METAP1D: variants seen among roughly 807,000 people sequenced by gnomAD.
The protein encoded by METAP1D is methionine aminopeptidase 1D, mitochondrial.
A neutral mutation model predicts 40.5 loss-of-function variants in METAP1D; 31 were observed. The observed-to-expected ratio is 0.77, with a 90% CI of 0.58 to 1.03. The LOEUF (loss-of-function observed/expected upper bound fraction) is 1.03. Ranked by LOEUF, METAP1D falls within the 50% of genes least tolerant of loss-of-function variation. METAP1D has a pLI of 0.00. For synonymous variants in METAP1D, 151 were observed against 146.4 expected (o/e 1.03, Z -0.22); for missense variants, 411 against 420.7 (o/e 0.98, Z 0.20).
chr2:172,072,801 A>G (rs1233489921), intron 6 of METAP1D, among the ~76,000 whole-genome samples: 1 of 152,150 alleles, frequency 6.6e-6, no homozygotes, highest in Admixed American at 6.5e-5. Flanking sequence ...CATATAATTG[A>G]GCCTCTTTGT....
At chr2:172,066,055 CTT>C (rs1266932983) in intron 4 of METAP1D, among the ~76,000 whole-genome samples, 1 of 152,080 alleles carries the variant, frequency 6.6e-6, no homozygotes, top group Non-Finnish European at 1.5e-5. Context: ...CTTATCAACT[CTT>C]GTTTTGGTTC....
intron 1 of METAP1D, among the ~76,000 whole-genome samples, chr2:172,049,562 AG>A (rs1574125845): frequency 2.6e-5 from 4 of 152,254 alleles, no homozygotes; most frequent in Admixed American, 6.5e-5. Flanking sequence ...CTGTCGAGTG[AG>A]TATTCATATG....
At chr2:172,077,744 A>G in intron 6 of METAP1D, 53 bp from the exon 7 acceptor site, 1 of 832,592 alleles carries the variant, frequency 1.2e-6, no homozygotes. Flanking sequence ...TTATCTTAGT[A>G]TGCCTGAAAA....
intron 9 of METAP1D, 58 bp from the exon 10 acceptor site, chr2:172,080,270 G>A: frequency 6.2e-7 from 1 of 1,613,878 alleles, no homozygotes; most frequent in Non-Finnish European, 8.5e-7. Context: ...CCGACGGCGC[G>A]CTTGTGGCCC....
At chr2:172,030,003 G>T (rs149133379) in intron 1 of METAP1D, among the ~76,000 whole-genome samples, 14 of 152,018 alleles carry the variant, frequency 9.2e-5, no homozygotes, top group Non-Finnish European at 1.8e-4. Flanking sequence ...TGATCCACCC[G>T]CCTGGGCCTC....
intron 6 of METAP1D, among the ~76,000 whole-genome samples, chr2:172,075,345 A>AT (rs1195277857): frequency 1.3e-5 from 2 of 152,186 alleles, no homozygotes; most frequent in Non-Finnish European, 2.9e-5. Flanking sequence ...GCGAAGACAG[A>AT]TTTTATCCGT....
Position 172,077,070 on chromosome 2 carries a change from C to T in METAP1D, c.705-727C>T, listed in dbSNP as rs72877574. ...GTAGTGCATGCAATGTACTTCTCCA[C>T]ATACATGTAATGAAGTAACTAATGA... On this transcript the variant is annotated intron_variant, in intron 6 of 9. Coordinates refer to ENST00000315796, the MANE Select transcript of METAP1D (RefSeq NM_199227.3). Among the ~76,000 whole-genome samples the T allele has an allele frequency of 9.3e-3, 1,421 of 152,296 alleles. 10 individuals are homozygous for T. Among genetic ancestry groups the T allele is most frequent in the Non-Finnish European group, 0.016 (1,084 of 68,016 alleles).
At chr2:172,071,809 C>G (rs901957846) in intron 6 of METAP1D, among the ~76,000 whole-genome samples, 3 of 152,136 alleles carry the variant, frequency 2.0e-5, no homozygotes, top group African/African-American at 7.2e-5. Context: ...CATCAGTGCC[C>G]TTTAAAGTAC....
At chr2:172,002,798 C>T (rs1450287743) in intron 1 of METAP1D, among the ~76,000 whole-genome samples, 1 of 152,096 alleles carries the variant, frequency 6.6e-6, no homozygotes, top group Non-Finnish European at 1.5e-5. Flanking sequence ...CATTACAAGT[C>T]TTCATGTACC....
At chr2:172,024,077 T>G (rs1401179424) in intron 1 of METAP1D, among the ~76,000 whole-genome samples, 1 of 152,142 alleles carries the variant, frequency 6.6e-6, no homozygotes, top group Non-Finnish European at 1.5e-5. Context: ...GCCAGGATAG[T>G]CTCGATCTCC....
intron 1 of METAP1D, among the ~76,000 whole-genome samples, chr2:172,020,983 G>C (rs751782855): frequency 2.0e-5 from 3 of 151,790 alleles, no homozygotes; most frequent in African/African-American, 7.3e-5. Context: ...TGCTTCCAAG[G>C]AGTCAAAAGT....
At chr2:172,029,777 C>T (rs1246337441) in intron 1 of METAP1D, among the ~76,000 whole-genome samples, 2 of 152,134 alleles carry the variant, frequency 1.3e-5, no homozygotes, top group Non-Finnish European at 2.9e-5. Context: ...TTTTTTGAGA[C>T]AAAGTCTCAC....
chr2:172,066,322 A>G lies in METAP1D; in HGVS notation c.540+16A>G. 1.2e-6 allele frequency: 2 copies of G among 1,604,488 alleles called. No homozygotes were observed. Among genetic ancestry groups the G allele is most frequent in the African/African-American group, 1.3e-5 (1 of 74,738 alleles). ...TGATGTCACAGTGAGTAAATCATATAAAAAATTGTCTTTGATCAACTTCAG... is the reference window on the plus strand; with the variant it reads ...TGATGTCACAGTGAGTAAATCATATGAAAAATTGTCTTTGATCAACTTCAG... On this transcript the variant is annotated intron_variant, in intron 5 of 9. Coordinates refer to ENST00000315796, the MANE Select transcript of METAP1D (RefSeq NM_199227.3).
At chr2:172,056,186 A>G (rs894085389) in intron 1 of METAP1D, among the ~76,000 whole-genome samples, 1 of 152,180 alleles carries the variant, frequency 6.6e-6, no homozygotes, top group Non-Finnish European at 1.5e-5. Flanking sequence ...TAGCATGACA[A>G]TCAGATGGTG....
At position 172,045,807 on chromosome 2, in the gene METAP1D, GTGTGTGTGTGTGTATATATA is replaced by G. The variant is rs1279086800; in HGVS notation, c.41-15689_41-15670del. On this transcript the variant is annotated intron_variant, in intron 1 of 9. Coordinates refer to ENST00000315796, the MANE Select transcript of METAP1D (RefSeq NM_199227.3). ...TATGTATATGTATATATGTGTGTGT[GTGTGTGTGTGTGTATATATA>G]TATATATATATATATATATATATAT... Among the ~76,000 whole-genome samples, 249 of 52,818 alleles carry G rather than the reference GTGTGTGTGTGTGTATATATA, an allele frequency of 4.7e-3. 2 individuals carry two copies. The highest frequency in any genetic ancestry group is 6.9e-3 in the Non-Finnish European group (195 of 28,396). 34.7% of individuals were successfully genotyped at this position (52,818 alleles called of 152,430 possible). A position where few individuals can be genotyped will look rare whatever the true frequency, so the allele number is the denominator to read the frequency against.
chr2:172,065,629 ATGCTCT>A lies in METAP1D; in HGVS notation c.377_382del (p.Ala126_Leu127del). 6 of 1,613,832 alleles carry A rather than the reference ATGCTCT, an allele frequency of 3.7e-6. No individual in the cohort carries two copies. Among genetic ancestry groups the A allele is most frequent in the Non-Finnish European group, 5.1e-6 (6 of 1,179,882 alleles). On this transcript the variant is annotated inframe_deletion, in exon 4 of 10. Coordinates refer to ENST00000315796, the MANE Select transcript of METAP1D (RefSeq NM_199227.3). ...GTTGACATGACAACTGAAGAGATAG[ATGCTCT>A]TGTTCATCGGGAAATCATCAGTCAT...
At chr2:172,028,322 C>T (rs1323217307) in intron 1 of METAP1D, among the ~76,000 whole-genome samples, 1 of 152,114 alleles carries the variant, frequency 6.6e-6, no homozygotes, top group Admixed American at 6.5e-5. Flanking sequence ...AGAAAGGGGG[C>T]CCCTGTGGCT....
intron 1 of METAP1D, among the ~76,000 whole-genome samples, chr2:172,016,761 TCTCTGGCCTCATCCCTTCA>T (rs1275808785): frequency 1.4e-4 from 22 of 152,256 alleles, no homozygotes; most frequent in Non-Finnish European, 2.8e-4. Context: ...CCTCCAAGGC[TCTCTGGCCTCATCCCTTCA>T]CTCTGGTCTC....
chr2:172,079,086 CCCTT>C, intron 7 of METAP1D, 125 bp from the exon 8 acceptor site: 1 of 881,938 alleles, frequency 1.1e-6, no homozygotes, highest in Non-Finnish European at 1.8e-6. Context: ...GAAATCTCCA[CCCTT>C]CCTTCTCTAA....
Sources: allele counts gnomAD v4.1 joint callset (sites outside exome capture counted in the v4.1 genomes callset), GRCh38; gene constraint gnomAD v4.1.1; transcripts MANE v1.5; gene names NCBI Gene and HGNC (gene_info 2026-07-23, HGNC 2026-07-21).